The following MAGI2 variants were observed in gnomAD, a reference collection of about 807,000 sequenced individuals.
MAGI2 encodes membrane associated guanylate kinase, WW and PDZ domain containing 2.
In MAGI2, 35 loss-of-function variants were observed where a neutral mutation model predicts 133.3. The ratio of observed to expected loss-of-function variants is 0.26; its 90% CI spans 0.20 to 0.35. The LOEUF (loss-of-function observed/expected upper bound fraction) is 0.35, where lower values mean the gene tolerates loss of function less well. Among genes scored for constraint, MAGI2 ranks in the 10% least tolerant of loss-of-function variants. The probability of loss-of-function intolerance (pLI) is 1.00; values close to 1 mark genes in which losing one functional copy is unlikely to be tolerated. For synonymous variants in MAGI2, 729 were observed against 710.6 expected, an observed-to-expected ratio of 1.03 and a Z score of -0.41; for missense variants, 1,636 against 1,863.4, an observed-to-expected ratio of 0.88 and a Z score of 2.25.
At chr7:78,514,271 C>T (rs1795854276) in intron 4 of MAGI2, among the ~76,000 whole-genome samples, 1 of 150,062 alleles carries the variant, frequency 6.7e-6, no homozygotes, top group African/African-American at 2.4e-5. Context: ...ATATAATTAC[C>T]ATTATAATTA....
chr7:78,235,614 C>T (rs569070069), intron 10 of MAGI2, among the ~76,000 whole-genome samples: 18 of 152,224 alleles, frequency 1.2e-4, no homozygotes, highest in South Asian at 4.1e-4. Flanking sequence ...TGTTTGCTCC[C>T]GCTTCTGCCA....
intron 6 of MAGI2, among the ~76,000 whole-genome samples, chr7:78,489,176 A>G (rs970198759): frequency 6.6e-6 from 1 of 152,040 alleles, no homozygotes; most frequent in East Asian, 1.9e-4. Flanking sequence ...AGTCCTCAAA[A>G]TTATTTTTAA....
chr7:79,404,334 C>G (rs1385625416), intron 1 of MAGI2, among the ~76,000 whole-genome samples: 1 of 151,992 alleles, frequency 6.6e-6, no homozygotes, highest in African/African-American at 2.4e-5. Flanking sequence ...CCTTCCCCTT[C>G]TCCTACTTAT....
chr7:78,901,923 G>T (rs569498982), intron 2 of MAGI2, among the ~76,000 whole-genome samples: 1 of 151,920 alleles, frequency 6.6e-6, no homozygotes, highest in African/African-American at 2.4e-5. Context: ...AAATAAAGCC[G>T]ATCCAATGAA....
intron 1 of MAGI2, among the ~76,000 whole-genome samples, chr7:79,258,704 A>G (rs1833870509): frequency 6.6e-6 from 1 of 152,186 alleles, no homozygotes; most frequent in African/African-American, 2.4e-5. Flanking sequence ...ATCGTGGCAT[A>G]CTATGGCCTT....
intron 1 of MAGI2, among the ~76,000 whole-genome samples, chr7:79,127,637 G>C (rs1193033861): frequency 6.6e-6 from 1 of 152,108 alleles, no homozygotes; most frequent in Non-Finnish European, 1.5e-5. Flanking sequence ...CCCACTTTTT[G>C]ATGGGGTTGT....
At chr7:79,085,964 GT>G (rs1424400580) in intron 1 of MAGI2, among the ~76,000 whole-genome samples, 1 of 151,874 alleles carries the variant, frequency 6.6e-6, no homozygotes, top group Non-Finnish European at 1.5e-5. Context: ...AGAAATTAGG[GT>G]TTTCTCACAT....
chr7:79,047,937 A>G (rs897151726), intron 1 of MAGI2, among the ~76,000 whole-genome samples: 1 of 152,154 alleles, frequency 6.6e-6, no homozygotes, highest in Non-Finnish European at 1.5e-5. Flanking sequence ...AATAAATGTT[A>G]AACTTCTTTC....
At chr7:78,750,076 C>T (rs1033657230) in intron 2 of MAGI2, among the ~76,000 whole-genome samples, 1 of 152,100 alleles carries the variant, frequency 6.6e-6, no homozygotes, top group Non-Finnish European at 1.5e-5. Flanking sequence ...GTTCCCCTCC[C>T]CATCTCCATG....
intron 6 of MAGI2, among the ~76,000 whole-genome samples, chr7:78,471,226 C>T (rs1415387296): frequency 1.3e-5 from 2 of 152,096 alleles, no homozygotes; most frequent in East Asian, 1.9e-4. Context: ...TTCAGTACTA[C>T]TATCAAAGAC....
At chr7:78,217,994 A>T (rs954293379) in intron 10 of MAGI2, among the ~76,000 whole-genome samples, 1 of 152,344 alleles carries the variant, frequency 6.6e-6, no homozygotes, top group African/African-American at 2.4e-5. Flanking sequence ...TAGGAAAAAA[A>T]GTTGGAGACC....
chr7:78,534,348 A>G (rs943981702), intron 3 of MAGI2, among the ~76,000 whole-genome samples: 3 of 152,268 alleles, frequency 2.0e-5, no homozygotes, highest in Admixed American at 1.3e-4. Context: ...TCTTTAGGAA[A>G]TGCATGTGGT....
intron 1 of MAGI2, among the ~76,000 whole-genome samples, chr7:79,089,051 A>T (rs1038914509): frequency 6.6e-6 from 1 of 152,066 alleles, no homozygotes. Flanking sequence ...CAATCTATCC[A>T]TCTGACAGAA....
chr7:78,807,053 G>A, intron 2 of MAGI2, among the ~76,000 whole-genome samples: 1 of 151,962 alleles, frequency 6.6e-6, no homozygotes, highest in East Asian at 1.9e-4. Flanking sequence ...TTCATATTTG[G>A]TATAACACAT....
chr7:79,140,324 CTA>C (rs2129546124), intron 1 of MAGI2, among the ~76,000 whole-genome samples: 1 of 152,264 alleles, frequency 6.6e-6, no homozygotes, highest in African/African-American at 2.4e-5. Context: ...CTCTGCATAT[CTA>C]TTTATCAATT....
At chr7:79,077,481 A>G (rs1397668257) in intron 1 of MAGI2, among the ~76,000 whole-genome samples, 1 of 149,872 alleles carries the variant, frequency 6.7e-6, no homozygotes, top group African/African-American at 2.4e-5. Flanking sequence ...AGGCGGAGGC[A>G]GGAGAATGGT....
chr7:79,443,723 G>A (rs1389403986), intron 1 of MAGI2, among the ~76,000 whole-genome samples: 1 of 152,156 alleles, frequency 6.6e-6, no homozygotes, highest in Non-Finnish European at 1.5e-5. Flanking sequence ...AACAGTTTTT[G>A]TGCTACACTT....
chr7:78,919,473 C>T (rs572307159), intron 2 of MAGI2, among the ~76,000 whole-genome samples: 10 of 151,938 alleles, frequency 6.6e-5, no homozygotes, highest in Admixed American at 2.0e-4. Flanking sequence ...TAACTATTTA[C>T]GATAGGAGAA....
At chr7:79,421,577 G>A (rs1846962481) in intron 1 of MAGI2, among the ~76,000 whole-genome samples, 1 of 151,844 alleles carries the variant, frequency 6.6e-6, no homozygotes, top group Non-Finnish European at 1.5e-5. Context: ...TTTATTATCA[G>A]CAGTGTCATA....
Sources: allele counts gnomAD v4.1 joint callset (sites outside exome capture counted in the v4.1 genomes callset), GRCh38; gene constraint gnomAD v4.1.1; transcripts MANE v1.5; gene names NCBI Gene and HGNC (gene_info 2026-07-23, HGNC 2026-07-21).